HPSE2: variants seen among roughly 807,000 people sequenced by gnomAD.
The protein encoded by HPSE2 is inactive heparanase-2.
Under a neutral mutation model 60.5 loss-of-function variants are expected in HPSE2, and 38 were observed. The observed-to-expected ratio is 0.63, with a 90% CI of 0.48 to 0.82. HPSE2 has a LOEUF of 0.82. HPSE2 is among the 40% of genes least tolerant of loss of function. The pLI is 0.00. For missense variants in HPSE2, 713 were observed against 740.4 expected, an observed-to-expected ratio of 0.96 and a Z score of 0.43; for synonymous variants, 295 against 293.2, an observed-to-expected ratio of 1.01 and a Z score of -0.06.
intron 3 of HPSE2, among the ~76,000 whole-genome samples, chr10:98,861,617 G>A (rs1952460177): frequency 6.6e-6 from 1 of 152,132 alleles, no homozygotes; most frequent in African/African-American, 2.4e-5. Context: ...CCTAGAACAA[G>A]AAAGGGCCTT....
chr10:98,504,549 G>A (rs1942132582), intron 9 of HPSE2, among the ~76,000 whole-genome samples: 1 of 152,146 alleles, frequency 6.6e-6, no homozygotes, highest in Non-Finnish European at 1.5e-5. Flanking sequence ...CACTTTGGGA[G>A]GCCGAGGTTG....
In HPSE2 at chr10:99,211,891, A is replaced by T. The variant is rs186125309; in HGVS notation, c.448+20457T>A. ...AAAAAGCTTGTGCACAGCCAAGGAA[A>T]CAATCAACACAGGGAAGAGACAACC... On this transcript the variant is annotated intron_variant, in intron 2 of 11. Transcript: ENST00000370552. Among the ~76,000 whole-genome samples the T allele has an allele frequency of 3.5e-3, 533 of 152,312 alleles. 4 individuals carry two copies. Among genetic ancestry groups the T allele is most frequent in the African/African-American group, 0.012 (510 of 41,580 alleles).
chr10:98,614,416 C>T (rs566072381), intron 9 of HPSE2, among the ~76,000 whole-genome samples: 1 of 151,934 alleles, frequency 6.6e-6, no homozygotes, highest in Non-Finnish European at 1.5e-5. Context: ...CTTCAGCCTC[C>T]CAAGTAGCTG....
intron 9 of HPSE2, among the ~76,000 whole-genome samples, chr10:98,518,227 A>G (rs1942666770): frequency 6.6e-6 from 1 of 152,192 alleles, no homozygotes; most frequent in Non-Finnish European, 1.5e-5. Flanking sequence ...CCCATGGGTG[A>G]GAGGTCTGCT....
At chr10:98,595,110 T>C (rs867242493) in intron 9 of HPSE2, among the ~76,000 whole-genome samples, 5 of 152,160 alleles carry the variant, frequency 3.3e-5, no homozygotes, top group Admixed American at 3.3e-4. Context: ...TATAGGTCTT[T>C]TACCTCCTTG....
At chr10:98,544,100 T>G (rs567699074) in intron 9 of HPSE2, among the ~76,000 whole-genome samples, 1 of 151,852 alleles carries the variant, frequency 6.6e-6, no homozygotes, top group East Asian at 1.9e-4. Context: ...CCTCAGCAAA[T>G]GCAAAAGAAT....
At chr10:98,852,537 A>G (rs1173677525) in intron 3 of HPSE2, among the ~76,000 whole-genome samples, 1 of 152,190 alleles carries the variant, frequency 6.6e-6, no homozygotes, top group Non-Finnish European at 1.5e-5. Flanking sequence ...ACCCTGCCCC[A>G]TACTCAAGAG....
intron 2 of HPSE2, among the ~76,000 whole-genome samples, chr10:99,180,613 G>A (rs11190005): frequency 0.54 from 82,454 of 151,926 alleles, 24,260 homozygotes; most frequent in East Asian, 0.66. Flanking sequence ...GGCTAGGCAC[G>A]GTGGCTCATG....
chr10:98,807,790 T>G (rs562823600), intron 3 of HPSE2, among the ~76,000 whole-genome samples: 1 of 152,338 alleles, frequency 6.6e-6, no homozygotes, highest in East Asian at 1.9e-4. Context: ...TATTTACTTT[T>G]AAAATAATTA....
intron 4 of HPSE2, among the ~76,000 whole-genome samples, 186 bp from the exon 5 acceptor site, chr10:98,722,014 C>T (rs553764693): frequency 6.6e-6 from 1 of 151,216 alleles, no homozygotes; most frequent in African/African-American, 2.4e-5. Flanking sequence ...GCTTGCTGTT[C>T]CATTCATTTT....
rs572916559 is a variant in HPSE2, at chr10:99,104,730, C to T, written c.610+39508G>A. 8.6e-4 allele frequency among the ~76,000 whole-genome samples: 131 copies of T among 152,120 alleles called. 1 individual carries two copies. Among genetic ancestry groups the T allele is most frequent in the African/African-American group, 3.0e-3 (124 of 41,500 alleles). On this transcript the variant is annotated intron_variant, in intron 3 of 11. Transcript: ENST00000370552. ...ATATACACCATGGAATACTATGCAG[C>T]CATAAAAAAGGATGAGTTCATGTGC...
intron 3 of HPSE2, among the ~76,000 whole-genome samples, chr10:98,802,743 C>G (rs1214847062): frequency 6.8e-6 from 1 of 146,330 alleles, no homozygotes; most frequent in Non-Finnish European, 1.5e-5. Context: ...GGGTTGGTTC[C>G]AAGTCTTTGC....
chr10:99,307,646 C>G, the HPSE2 span, among the ~76,000 whole-genome samples: 1 of 152,118 alleles, frequency 6.6e-6, no homozygotes, highest in Non-Finnish European at 1.5e-5. Context: ...TCTATGGCAC[C>G]CCCATGGCAC....
chr10:98,537,424 A>C (rs1371174527), intron 9 of HPSE2, among the ~76,000 whole-genome samples: 1 of 152,254 alleles, frequency 6.6e-6, no homozygotes, highest in Non-Finnish European at 1.5e-5. Context: ...AATAGTTAGA[A>C]TAAGAATAGT....
At chr10:98,943,137 C>T (rs113922421) in intron 3 of HPSE2, among the ~76,000 whole-genome samples, 13 of 150,474 alleles carry the variant, frequency 8.6e-5, no homozygotes, top group African/African-American at 2.4e-4. Flanking sequence ...TGCTAAATGA[C>T]GAGTTGGTGG....
At chr10:98,758,380 T>G (rs753201297) in intron 3 of HPSE2, among the ~76,000 whole-genome samples, 6 of 149,906 alleles carry the variant, frequency 4.0e-5, no homozygotes, top group Non-Finnish European at 7.4e-5. Context: ...CAAAATGAAC[T>G]ATCAGCAAAC....
chr10:98,942,488 G>C (rs879347294), intron 3 of HPSE2, among the ~76,000 whole-genome samples: 62 of 151,010 alleles, frequency 4.1e-4, no homozygotes, highest in Middle Eastern at 3.4e-3. Context: ...AAATGCTCAC[G>C]ATCACTGGCC....
intron 3 of HPSE2, among the ~76,000 whole-genome samples, chr10:98,807,766 C>T (rs1217795747): frequency 6.6e-6 from 1 of 152,098 alleles, no homozygotes; most frequent in Admixed American, 6.5e-5. Context: ...TTCCTTATAT[C>T]TTCTTGGTGA....
At chr10:98,565,494 A>G (rs1054818772) in intron 9 of HPSE2, among the ~76,000 whole-genome samples, 2 of 152,138 alleles carry the variant, frequency 1.3e-5, no homozygotes, top group Non-Finnish European at 2.9e-5. Context: ...TGTCCTTGCA[A>G]AGGACATGAT....
Sources: allele counts gnomAD v4.1 joint callset (sites outside exome capture counted in the v4.1 genomes callset), GRCh38; gene constraint gnomAD v4.1.1; transcripts MANE v1.5; gene names NCBI Gene and HGNC (gene_info 2026-07-23, HGNC 2026-07-21).